Variants in GAREM1 observed in about 807,000 individuals in gnomAD.
The protein encoded by GAREM1 is GRB2 associated regulator of MAPK1 subtype 1.
GAREM1 carries 26 observed loss-of-function variants against 71.3 expected under a neutral mutation model. That is an observed-to-expected ratio of 0.36 (90% CI 0.27 to 0.51). The LOEUF is 0.51. GAREM1 is among the 20% of genes least tolerant of loss of function. The probability of loss-of-function intolerance (pLI) is 0.95; values close to 1 mark genes in which losing one functional copy is unlikely to be tolerated. For missense variants in GAREM1, 1,026 were observed against 1,103.1 expected, an observed-to-expected ratio of 0.93 and a Z score of 0.99; for synonymous variants, 440 against 433.2, an observed-to-expected ratio of 1.02 and a Z score of -0.20.
chr18:32,463,737 T>C (rs1424004598), intron 1 of GAREM1, among the ~76,000 whole-genome samples: 2 of 151,684 alleles, frequency 1.3e-5, no homozygotes. Context: ...ACCCAGCTAA[T>C]TTTTTGTAGT....
intron 3 of GAREM1, among the ~76,000 whole-genome samples, chr18:32,298,207 TGC>T (rs2047162878): frequency 6.6e-6 from 1 of 152,188 alleles, no homozygotes; most frequent in Non-Finnish European, 1.5e-5. Context: ...CTGTATCCCA[TGC>T]TTCCAACTCT....
At chr18:32,304,998 G>C (rs935297977) in intron 3 of GAREM1, among the ~76,000 whole-genome samples, 12 of 151,952 alleles carry the variant, frequency 7.9e-5, no homozygotes, top group Admixed American at 2.6e-4. Context: ...GAAGAAACAT[G>C]GTTGATGAAA....
intron 1 of GAREM1, among the ~76,000 whole-genome samples, chr18:32,403,485 T>C (rs1444639245): frequency 6.6e-6 from 1 of 152,200 alleles, no homozygotes; most frequent in Non-Finnish European, 1.5e-5. Context: ...TTCAGTTTCC[T>C]TGCCTTGGCC....
At chr18:32,381,461 G>A (rs982549160) in intron 2 of GAREM1, among the ~76,000 whole-genome samples, 1 of 152,162 alleles carries the variant, frequency 6.6e-6, no homozygotes, top group Non-Finnish European at 1.5e-5. Flanking sequence ...AGGGGAAAAA[G>A]TTTTAAAAAT....
chr18:32,426,157 T>C (rs893240415), intron 1 of GAREM1, among the ~76,000 whole-genome samples: 26 of 152,082 alleles, frequency 1.7e-4, no homozygotes, highest in African/African-American at 6.0e-4. Context: ...TAGCTGGGAT[T>C]ACAAGCACAC....
intron 1 of GAREM1, among the ~76,000 whole-genome samples, chr18:32,443,765 T>C (rs1354667705): frequency 6.6e-6 from 1 of 152,182 alleles, no homozygotes; most frequent in Non-Finnish European, 1.5e-5. Context: ...ATTCCAGTTG[T>C]AGGTACGCAT....
intron 1 of GAREM1, among the ~76,000 whole-genome samples, chr18:32,419,898 C>G (rs1292493840): frequency 6.6e-6 from 1 of 152,120 alleles, no homozygotes; most frequent in Non-Finnish European, 1.5e-5. Flanking sequence ...GGGTAAAAAG[C>G]AACCGAAACC....
chr18:32,290,003 G>C (rs897619164), intron 3 of GAREM1, among the ~76,000 whole-genome samples: 6 of 151,868 alleles, frequency 4.0e-5, no homozygotes, highest in Non-Finnish European at 5.9e-5. Flanking sequence ...GTGTGTGTGT[G>C]TAAGTTAACT....
intron 1 of GAREM1, among the ~76,000 whole-genome samples, chr18:32,434,764 C>T (rs1350371906): frequency 6.6e-6 from 1 of 152,090 alleles, no homozygotes; most frequent in Non-Finnish European, 1.5e-5. Flanking sequence ...CACTATAATA[C>T]CGCTACAGTT....
chr18:32,410,574 T>A (rs560948588), intron 1 of GAREM1, among the ~76,000 whole-genome samples: 31 of 152,262 alleles, frequency 2.0e-4, no homozygotes, highest in Admixed American at 2.0e-3. Context: ...GGTTTTAAAC[T>A]CCTGGTCTCA....
At chr18:32,432,923 C>G (rs1048581787) in intron 1 of GAREM1, among the ~76,000 whole-genome samples, 1 of 152,018 alleles carries the variant, frequency 6.6e-6, no homozygotes, top group Non-Finnish European at 1.5e-5. Flanking sequence ...GACAACAGGA[C>G]ACTTCCTAAC....
At chr18:32,439,602 C>T (rs551369546) in intron 1 of GAREM1, among the ~76,000 whole-genome samples, 102 of 152,034 alleles carry the variant, frequency 6.7e-4, no homozygotes, top group South Asian at 2.9e-3. Context: ...TGAGAAAACA[C>T]CTGAAATGCT....
intron 1 of GAREM1, among the ~76,000 whole-genome samples, chr18:32,446,167 C>CT (rs1568014367): frequency 2.4e-4 from 37 of 152,106 alleles, no homozygotes; most frequent in African/African-American, 8.9e-4. Context: ...ATTACTAGTA[C>CT]ACAATAAATG....
chr18:32,366,124 C>A (rs1000347393), intron 2 of GAREM1, among the ~76,000 whole-genome samples: 3 of 152,044 alleles, frequency 2.0e-5, no homozygotes, highest in African/African-American at 7.2e-5. Context: ...ACACTTGTCT[C>A]CTCCCCTCAC....
At chr18:32,331,741 T>A (rs2047537024) in intron 2 of GAREM1, 1 of 152,054 alleles carries the variant, frequency 6.6e-6, no homozygotes, top group Non-Finnish European at 1.5e-5. Flanking sequence ...GAGGGACAGG[T>A]CACAATTGTA....
rs2041356147 is a variant in GAREM1, at chr18:32,265,198, T to G, written c.*2673A>C. On this transcript the variant is annotated 3_prime_UTR_variant, in exon 6 of 6. Coordinates refer to ENST00000269209, the MANE Select transcript of GAREM1 (RefSeq NM_001242409.2). ...AGCTTAGGAATGGCAATTTCATTTATTTGTGGCATTTATTTGTGACAGAAG... is the reference window on the plus strand; with the variant it reads ...AGCTTAGGAATGGCAATTTCATTTAGTTGTGGCATTTATTTGTGACAGAAG... 6.6e-6 allele frequency: 1 copy of G among 152,272 alleles called. No individual in the cohort carries two copies. Among genetic ancestry groups the G allele is most frequent in the Admixed American group, 6.5e-5 (1 of 15,280 alleles). The allele number at this position is 152,272 out of a possible 1,614,324, so 9.4% of individuals were successfully genotyped here.
chr18:32,453,083 C>G (rs1288589615), intron 1 of GAREM1, among the ~76,000 whole-genome samples: 2 of 151,998 alleles, frequency 1.3e-5, no homozygotes, highest in African/African-American at 4.8e-5. Context: ...CTCCACGTGG[C>G]TGGGGAGGCC....
In GAREM1 at chr18:32,268,432, G is replaced by T; in HGVS notation, c.2070C>A (p.Ser690Arg). 1 of 1,614,188 alleles carries T rather than the reference G, an allele frequency of 6.2e-7. No individual in the cohort carries two copies. The highest frequency in any genetic ancestry group is 8.5e-7 in the Non-Finnish European group (1 of 1,180,032). The change falls in exon 6 of 6, where the codon AGC (serine) becomes AGA (arginine). Residue 690 changes from serine (S) to arginine (R), a missense_variant. Coordinates refer to ENST00000269209, the MANE Select transcript of GAREM1 (RefSeq NM_001242409.2). ...CTGACTTGGGACAACCAGAGACGCT[G>T]CTACTGAATTCTGCAGTGACTGGGC... is the stretch of plus-strand genomic sequence containing the variant. ...PTSPVTAEFSSSVSGCPKSAS... is the reference protein window; with the variant it reads ...PTSPVTAEFSRSVSGCPKSAS...
At chr18:32,355,155 T>A (rs1002069869) in intron 2 of GAREM1, among the ~76,000 whole-genome samples, 4 of 152,102 alleles carry the variant, frequency 2.6e-5, no homozygotes, top group Non-Finnish European at 2.9e-5. Context: ...AGAAAAAAAA[T>A]TTTTTTAAAG....
Sources: allele counts gnomAD v4.1 joint callset (sites outside exome capture counted in the v4.1 genomes callset), GRCh38; gene constraint gnomAD v4.1.1; transcripts MANE v1.5; gene names NCBI Gene and HGNC (gene_info 2026-07-23, HGNC 2026-07-21).